The following TNNI3K variants were observed in gnomAD, a reference collection of about 807,000 sequenced individuals.
TNNI3K encodes the protein TNNI3 interacting kinase.
In TNNI3K, 140 loss-of-function variants were observed where a neutral mutation model predicts 114.5. That is an observed-to-expected ratio of 1.22 (90% CI 1.07 to 1.41). The LOEUF (loss-of-function observed/expected upper bound fraction) is 1.41, where lower values mean the gene tolerates loss of function less well. Ranked by LOEUF, TNNI3K falls within the 40% of genes most tolerant of loss-of-function variation. The probability of loss-of-function intolerance (pLI) is 0.00; values close to 1 mark genes in which losing one functional copy is unlikely to be tolerated. For missense variants in TNNI3K, 1,125 were observed against 1,007.6 expected (o/e 1.12, Z -1.58); for synonymous variants, 347 against 347.5 (o/e 1.00, Z 0.02).
At chr1:74,289,171 AAGG>A (rs1570423272) in intron 5 of TNNI3K, among the ~76,000 whole-genome samples, 1 of 152,168 alleles carries the variant, frequency 6.6e-6, no homozygotes, top group East Asian at 1.9e-4. Flanking sequence ...ATAATAATGG[AAGG>A]AGAAGTAAAC....
intron 5 of TNNI3K, among the ~76,000 whole-genome samples, chr1:74,273,201 C>A (rs1168428530): frequency 6.6e-6 from 1 of 151,892 alleles, no homozygotes; most frequent in African/African-American, 2.4e-5. Flanking sequence ...TCGTTGAGAG[C>A]AAAATAGTTT....
intron 5 of TNNI3K, among the ~76,000 whole-genome samples, chr1:74,330,198 A>T (rs1185616748): frequency 2.0e-5 from 3 of 152,078 alleles, no homozygotes; most frequent in Admixed American, 6.5e-5. Flanking sequence ...TGGCGTATTG[A>T]TTATTTTGAG....
chr1:74,476,881 C>CT (rs369729455), intron 21 of TNNI3K, among the ~76,000 whole-genome samples: 8 of 152,012 alleles, frequency 5.3e-5, no homozygotes, highest in Non-Finnish European at 1.0e-4. Context: ...ATGATTGTTT[C>CT]TTTTTTTTCT....
chr1:74,270,101 G>A (rs17095044), intron 4 of TNNI3K, among the ~76,000 whole-genome samples: 2,251 of 151,922 alleles, frequency 0.015, 51 homozygotes, highest in African/African-American at 0.052. Context: ...TCAGGTGGAA[G>A]AAACAGTCAT....
intron 9 of TNNI3K, among the ~76,000 whole-genome samples, chr1:74,343,824 G>A (rs1488333989): frequency 6.6e-6 from 1 of 151,840 alleles, no homozygotes; most frequent in Admixed American, 6.6e-5. Context: ...AGAAAGAAAA[G>A]GTTGCTAATA....
At chr1:74,360,866 C>G (rs754052573) in intron 11 of TNNI3K, among the ~76,000 whole-genome samples, 4 of 152,072 alleles carry the variant, frequency 2.6e-5, no homozygotes, top group African/African-American at 9.7e-5. Context: ...TCTTCTCTTA[C>G]CAAATTGTAA....
intron 9 of TNNI3K, among the ~76,000 whole-genome samples, chr1:74,343,931 C>T (rs1028935088): frequency 2.0e-5 from 3 of 152,138 alleles, no homozygotes; most frequent in Non-Finnish European, 4.4e-5. Context: ...TTTGCTAAAA[C>T]AGTAAAAGCA....
chr1:74,515,023 A>G (rs990947656), intron 23 of TNNI3K, among the ~76,000 whole-genome samples: 2 of 152,200 alleles, frequency 1.3e-5, no homozygotes, highest in African/African-American at 2.4e-5. Flanking sequence ...CTAGAAGCCA[A>G]GGAATATAAG....
intron 17 of TNNI3K, among the ~76,000 whole-genome samples, chr1:74,403,444 T>C (rs1664468717): frequency 6.6e-6 from 1 of 152,152 alleles, no homozygotes; most frequent in South Asian, 2.1e-4. Context: ...TCTCCCGTGT[T>C]ACTGCCAAAC....
chr1:74,460,139 G>A (rs1279223804), intron 20 of TNNI3K, among the ~76,000 whole-genome samples: 1 of 151,236 alleles, frequency 6.6e-6, no homozygotes, highest in Non-Finnish European at 1.5e-5. Context: ...GCAGTGGCAC[G>A]ATCTCGACTC....
intron 17 of TNNI3K, among the ~76,000 whole-genome samples, chr1:74,392,544 T>C (rs1275147444): frequency 6.6e-6 from 1 of 152,216 alleles, no homozygotes; most frequent in African/African-American, 2.4e-5. Context: ...GTTCCATCAG[T>C]AACCCTACTG....
At chr1:74,277,215 T>G (rs184953189) in intron 5 of TNNI3K, among the ~76,000 whole-genome samples, 15 of 152,234 alleles carry the variant, frequency 9.9e-5, no homozygotes, top group Admixed American at 9.2e-4. Flanking sequence ...CTCAGTTTAT[T>G]AGTGAGGAAA....
chr1:74,288,791 T>C (rs978952971), intron 5 of TNNI3K, among the ~76,000 whole-genome samples: 5 of 152,092 alleles, frequency 3.3e-5, no homozygotes, highest in African/African-American at 1.2e-4. Flanking sequence ...AATTTAACTA[T>C]GTGAGGTGAT....
At chr1:74,302,702 C>A (rs1056438571) in intron 5 of TNNI3K, among the ~76,000 whole-genome samples, 3 of 152,238 alleles carry the variant, frequency 2.0e-5, no homozygotes, top group South Asian at 4.1e-4. Flanking sequence ...CTTTTCAATT[C>A]TATGAAGGAT....
At chr1:74,257,573 T>G (rs986070537) in intron 4 of TNNI3K, among the ~76,000 whole-genome samples, 1 of 151,868 alleles carries the variant, frequency 6.6e-6, no homozygotes, top group Non-Finnish European at 1.5e-5. Flanking sequence ...GTTACACTTC[T>G]GGTGGATACA....
chr1:74,269,199 A>G lies in TNNI3K; in HGVS notation c.334-2399A>G, dbSNP rs115111542. Among the ~76,000 whole-genome samples the G allele has an allele frequency of 9.6e-3, 1,458 of 151,954 alleles. 22 individuals carry two copies. The highest frequency in any genetic ancestry group is 0.034 in the African/African-American group (1,411 of 41,498). ...AAAATAGCCATCTAATCATTTGTCT[A>G]TTTTTATCTCATATCAGTTGGTACT... On this transcript the variant is annotated intron_variant, in intron 4 of 24. Coordinates refer to ENST00000326637, the MANE Select transcript of TNNI3K (RefSeq NM_015978.3).
At chr1:74,401,711 A>G in intron 17 of TNNI3K, 3 of 371,878 alleles carry the variant, frequency 8.1e-6, no homozygotes, top group South Asian at 6.2e-5. Context: ...AGAAAATAAC[A>G]GAAGAAATAA....
Position 74,370,310 on chromosome 1 carries a change from T to G in TNNI3K, c.1690T>G (p.Leu564Val), listed in dbSNP as rs1238011460. ...TAGGATTCTTGATTTGCAGTCTAAATTAATTATTGCAGTAGATGTTGCCAA... is the reference window on the plus strand; with the variant it reads ...TAGGATTCTTGATTTGCAGTCTAAAGTAATTATTGCAGTAGATGTTGCCAA... Reference protein sequence around the residue: ...QKRILDLQSKLIIAVDVAKGM... With the variant: ...QKRILDLQSKVIIAVDVAKGM... The change falls in exon 17 of 25, where the codon TTA becomes GTA. Residue 564 changes from leucine to valine, a missense_variant. Coordinates refer to ENST00000326637, the MANE Select transcript of TNNI3K (RefSeq NM_015978.3). 1 of 1,599,708 alleles carries G rather than the reference T, an allele frequency of 6.3e-7. No homozygotes were observed. The highest frequency in any genetic ancestry group is 1.1e-5 in the South Asian group (1 of 89,000).
intron 23 of TNNI3K, among the ~76,000 whole-genome samples, chr1:74,529,392 C>T (rs1305467370): frequency 6.6e-6 from 1 of 152,110 alleles, no homozygotes; most frequent in Non-Finnish European, 1.5e-5. Context: ...GGACATTTTG[C>T]AAAATTACTG....
Sources: gnomAD v4.1 joint callset for allele counts (sites outside exome capture counted in the v4.1 genomes callset) on GRCh38, gnomAD v4.1.1 for gene constraint, MANE v1.5 for transcripts, NCBI Gene and HGNC (gene_info 2026-07-23, HGNC 2026-07-21) for gene names.